Variants in OR4F15 observed in about 807,000 individuals in gnomAD.
The protein encoded by OR4F15 is olfactory receptor 4F15.
Under a neutral mutation model 11.9 loss-of-function variants are expected in OR4F15, and 7 were observed. That is an observed-to-expected ratio of 0.59 (90% CI 0.33 to 1.10). OR4F15 has a LOEUF of 1.10. Ranked by LOEUF, OR4F15 falls within the 50% of genes least tolerant of loss-of-function variation. OR4F15 has a pLI of 0.03. For synonymous variants in OR4F15, 151 were observed against 134.6 expected (o/e 1.12, Z -0.84); for missense variants, 445 against 377.5 (o/e 1.18, Z -1.48).
Position 101,818,210 on chromosome 15 carries a change from G to A in OR4F15, c.24G>A (p.Val8=), listed in dbSNP as rs1903025382. 2 of 1,611,076 alleles carry A rather than the reference G, an allele frequency of 1.2e-6. No homozygotes were observed. The highest frequency in any genetic ancestry group is 1.7e-6 in the Non-Finnish European group (2 of 1,177,976). ...CAATGAATGGAATGAATCACTCTGT[G>A]GTATCAGAATTTGTATTCATGGGAC... is the stretch of plus-strand genomic sequence containing the variant. MNGMNHS[V]VSEFVFMGLT... The change falls in exon 2 of 2, where the codon GTG becomes GTA. Residue 8 remains valine (V), a synonymous_variant. Coordinates refer to ENST00000332238, the MANE Select transcript of OR4F15 (RefSeq NM_001001674.2).
In OR4F15 at chr15:101,813,855, T is replaced by C. The variant is rs182224181; in HGVS notation, c.-38+1583T>C. On this transcript the variant is annotated intron_variant, in intron 1 of 1. Coordinates refer to ENST00000332238, the MANE Select transcript of OR4F15 (RefSeq NM_001001674.2). ...ATCACAATTGTTTAGTGTAAATAGA[T>C]GATAACTATAATTCATGTCATTGTA... Among the ~76,000 whole-genome samples the C allele has an allele frequency of 2.0e-3, 306 of 152,320 alleles. 1 individual carries two copies. Among genetic ancestry groups the C allele is most frequent in the African/African-American group, 6.9e-3 (285 of 41,584 alleles).
chr15:101,814,542 C>G (rs1902958226), intron 1 of OR4F15, among the ~76,000 whole-genome samples: 1 of 152,080 alleles, frequency 6.6e-6, no homozygotes, highest in South Asian at 2.1e-4. Context: ...GAAAGCAGCT[C>G]TAATGTTAAA....
At chr15:101,812,757 T>C in intron 1 of OR4F15, among the ~76,000 whole-genome samples, 1 of 152,144 alleles carries the variant, frequency 6.6e-6, no homozygotes. Flanking sequence ...GGTTTTTAAC[T>C]CACCCTGAAC....
At chr15:101,812,535 A>T (rs1278022656) in intron 1 of OR4F15, among the ~76,000 whole-genome samples, 2 of 152,158 alleles carry the variant, frequency 1.3e-5, no homozygotes, top group Admixed American at 1.3e-4. Flanking sequence ...CTTTTGGGGA[A>T]ATCTATTAGC....
chr15:101,812,668 C>T (rs1300546994), intron 1 of OR4F15, among the ~76,000 whole-genome samples: 1 of 152,014 alleles, frequency 6.6e-6, no homozygotes, highest in Non-Finnish European at 1.5e-5. Context: ...ATAAGTGAAG[C>T]TTTAAAAGAT....
intron 1 of OR4F15, among the ~76,000 whole-genome samples, chr15:101,816,706 T>C (rs1424103515): frequency 1.3e-5 from 2 of 152,202 alleles, no homozygotes; most frequent in African/African-American, 2.4e-5. Context: ...AAAACATAAA[T>C]GTTGGACTAA....
chr15:101,818,286 T>C lies in OR4F15; in HGVS notation c.100T>C (p.Phe34Leu). ...QLLLFVFSLL[F>L]YFASMMGNLV... ...TCTACTTTTTGTTTTCTCTTTGTTG[T>C]TCTACTTTGCGAGCATGATGGGAAA... The change falls in exon 2 of 2, where the codon TTC (phenylalanine) becomes CTC (leucine). Residue 34 changes from phenylalanine to leucine, a missense_variant. Coordinates refer to ENST00000332238, the MANE Select transcript of OR4F15 (RefSeq NM_001001674.2). 1 of 1,614,078 alleles carries C rather than the reference T, an allele frequency of 6.2e-7. No homozygotes were observed. The highest frequency in any genetic ancestry group is 1.1e-5 in the South Asian group (1 of 91,066).
chr15:101,818,104 G>T, intron 1 of OR4F15, 46 bp from the exon 2 acceptor site: 1 of 897,008 alleles, frequency 1.1e-6, no homozygotes, highest in South Asian at 1.6e-5. Context: ...TCTTGAACAT[G>T]AATACTTGCC....
chr15:101,812,626 A>G lies in OR4F15; in HGVS notation c.-38+354A>G, dbSNP rs572778601. Among the ~76,000 whole-genome samples the G allele has an allele frequency of 2.0e-5, 3 of 152,326 alleles. No homozygotes were observed. The East Asian group carries it at 5.8e-4, about 29-fold the overall frequency. On this transcript the variant is annotated intron_variant, in intron 1 of 1. Transcript: ENST00000332238. ...TCTATTTCTAGAGAAGACCCAAGAT[A>G]TAAAAAGGAGAAAGTTCATCAGATA...
chr15:101,816,045 C>T, intron 1 of OR4F15, among the ~76,000 whole-genome samples: 3 of 152,024 alleles, frequency 2.0e-5, no homozygotes, highest in Non-Finnish European at 4.4e-5. Flanking sequence ...TAAGATTTTC[C>T]TTTTCCCCCT....
chr15:101,817,450 A>T (rs1903008984), intron 1 of OR4F15, among the ~76,000 whole-genome samples: 1 of 152,154 alleles, frequency 6.6e-6, no homozygotes, highest in African/African-American at 2.4e-5. Context: ...TGATGGTGGG[A>T]GCTACCGTTG....
Position 101,820,110 on chromosome 15 carries a change from C to G in OR4F15, c.*985C>G, listed in dbSNP as rs1332890690. 6.6e-6 allele frequency: 1 copy of G among 152,210 alleles called. No individual in the cohort carries two copies. Among genetic ancestry groups the G allele is most frequent in the Non-Finnish European group, 1.5e-5 (1 of 68,034 alleles). The allele number at this position is 152,210 out of a possible 1,614,324, so 9.4% of individuals were successfully genotyped here. On this transcript the variant is annotated 3_prime_UTR_variant, in exon 2 of 2. Transcript: ENST00000332238. The stretch of plus-strand genomic sequence containing the variant: ...GAGCCAGGCACCAGAAACCATGACT[C>G]TGATTGCTAGGTCAGTGCCCTTTCA...
Position 101,818,671 on chromosome 15 carries a change from T to C in OR4F15, c.485T>C (p.Phe162Ser), listed in dbSNP as rs556494073. Residue 162 changes from phenylalanine (F) to serine (S), a missense_variant, in exon 2 of 2, where the codon TTT becomes TCT. Transcript: ENST00000332238. Reference sequence around the variant, plus strand: ...ATCCACTCATTGGTCCAATTAGTTTTTGTGGTAGATTTACCTTTTTGTGGT... The same window carrying C: ...ATCCACTCATTGGTCCAATTAGTTTCTGTGGTAGATTTACCTTTTTGTGGT... ...GLIHSLVQLV[F>S]VVDLPFCGPN... is the part of the protein sequence containing the mutation. 6.2e-7 allele frequency: 1 copy of C among 1,614,156 alleles called. No individual in the cohort carries two copies. The highest frequency in any genetic ancestry group is 2.2e-5 in the East Asian group (1 of 44,878).
At chr15:101,815,985 T>C (rs1902982185) in intron 1 of OR4F15, among the ~76,000 whole-genome samples, 1 of 152,116 alleles carries the variant, frequency 6.6e-6, no homozygotes, top group South Asian at 2.1e-4. Context: ...CAATATCTCT[T>C]CCACCTTCCT....
In OR4F15 at chr15:101,818,136, C is replaced by T. The variant is rs183729410; in HGVS notation, c.-37-14C>T. 832 of 1,189,082 alleles carry T rather than the reference C, an allele frequency of 7.0e-4. 1 individual carries two copies. The highest frequency in any genetic ancestry group is 8.1e-4 in the Non-Finnish European group (669 of 830,148). 73.7% of individuals were successfully genotyped at this position (1,189,082 alleles called of 1,614,324 possible). A position where few individuals can be genotyped will look rare whatever the true frequency, so the allele number is the denominator to read the frequency against. On this transcript the variant is annotated splice_polypyrimidine_tract_variant and intron_variant, in intron 1 of 1. Coordinates refer to ENST00000332238, the MANE Select transcript of OR4F15 (RefSeq NM_001001674.2). ...TGCCTAGGTAATTCTTTCTCATTTT[C>T]TTTCTTCCTTCAGGTAAGTAACATG...
In OR4F15 at chr15:101,819,007, T is replaced by G; in HGVS notation, c.821T>G (p.Phe274Cys). ...TSHLDKYLAI[F>C]DAFITPFLNP... ...CACCTGGATAAATATCTTGCTATTTTTGATGCATTTATTACTCCTTTTCTG... is the reference window on the plus strand; with the variant it reads ...CACCTGGATAAATATCTTGCTATTTGTGATGCATTTATTACTCCTTTTCTG... Residue 274 changes from phenylalanine (F) to cysteine (C), a missense_variant, in exon 2 of 2, where the codon TTT becomes TGT. Phe to Cys is a radical substitution (Grantham distance 205). Coordinates refer to ENST00000332238, the MANE Select transcript of OR4F15 (RefSeq NM_001001674.2). 2 of 1,614,146 alleles carry G rather than the reference T, an allele frequency of 1.2e-6. No homozygotes were observed. Among genetic ancestry groups the G allele is most frequent in the South Asian group, 1.1e-5 (1 of 91,078 alleles).
Position 101,819,878 on chromosome 15 carries a change from T to C in OR4F15, c.*753T>C, listed in dbSNP as rs1035317466. 3 of 152,232 alleles carry C rather than the reference T, an allele frequency of 2.0e-5. No individual in the cohort carries two copies. Among genetic ancestry groups the C allele is most frequent in the Non-Finnish European group, 4.4e-5 (3 of 68,062 alleles). 9.4% of individuals were successfully genotyped at this position (152,232 alleles called of 1,614,324 possible). A position where few individuals can be genotyped will look rare whatever the true frequency, so the allele number is the denominator to read the frequency against. On this transcript the variant is annotated 3_prime_UTR_variant, in exon 2 of 2. Transcript: ENST00000332238. ...TCCTAAAGTGTTTGCTTTCTATTGCTCCAGTCTCTACATATTTTTGCCACC... is the reference window on the plus strand; with the variant it reads ...TCCTAAAGTGTTTGCTTTCTATTGCCCCAGTCTCTACATATTTTTGCCACC...
intron 1 of OR4F15, among the ~76,000 whole-genome samples, chr15:101,814,662 C>T (rs765181901): frequency 6.6e-6 from 1 of 152,112 alleles, no homozygotes; most frequent in Non-Finnish European, 1.5e-5. Flanking sequence ...CCATCTTAGT[C>T]TCCTGTTGAA....
chr15:101,816,738 A>G (rs534021193), intron 1 of OR4F15, among the ~76,000 whole-genome samples: 1 of 152,308 alleles, frequency 6.6e-6, no homozygotes, highest in Admixed American at 6.5e-5. Context: ...TTCATTGAAC[A>G]ATGAAACTCT....
Sources: gnomAD v4.1 joint callset for allele counts (sites outside exome capture counted in the v4.1 genomes callset) on GRCh38, gnomAD v4.1.1 for gene constraint, MANE v1.5 for transcripts, NCBI Gene and HGNC (gene_info 2026-07-23, HGNC 2026-07-21) for gene names.